The following SLC2A13 variants were observed in gnomAD, a reference collection of about 807,000 sequenced individuals.
SLC2A13 encodes proton myo-inositol cotransporter.
Under a neutral mutation model 64.4 loss-of-function variants are expected in SLC2A13, and 32 were observed. That is an observed-to-expected ratio of 0.50 (90% confidence interval 0.37 to 0.67). The LOEUF (loss-of-function observed/expected upper bound fraction) is 0.67. Among genes scored for constraint, SLC2A13 ranks in the 30% least tolerant of loss-of-function variants. The probability of loss-of-function intolerance (pLI) is 0.00; values close to 1 mark genes in which losing one functional copy is unlikely to be tolerated. For synonymous variants in SLC2A13, 338 were observed against 327.1 expected, an observed-to-expected ratio of 1.03 and a Z score of -0.36; for missense variants, 743 against 829.2, an observed-to-expected ratio of 0.90 and a Z score of 1.28.
intron 3 of SLC2A13, among the ~76,000 whole-genome samples, chr12:40,021,022 C>T (rs1252885297): frequency 6.6e-6 from 1 of 151,642 alleles, no homozygotes; most frequent in Non-Finnish European, 1.5e-5. Flanking sequence ...GACAAAGTCA[C>T]AATTCTTTCT....
intron 3 of SLC2A13, among the ~76,000 whole-genome samples, chr12:39,996,051 T>C (rs1266113171): frequency 6.6e-6 from 1 of 152,204 alleles, no homozygotes; most frequent in Non-Finnish European, 1.5e-5. Flanking sequence ...AACATACCAG[T>C]TGGAACTCTC....
chr12:40,064,420 T>C (rs1948477701), intron 1 of SLC2A13, among the ~76,000 whole-genome samples: 1 of 152,128 alleles, frequency 6.6e-6, no homozygotes, highest in South Asian at 2.1e-4. Context: ...TATTTCAATG[T>C]AAATAAAAAT....
At chr12:39,977,439 T>C (rs1195364288) in intron 3 of SLC2A13, among the ~76,000 whole-genome samples, 1 of 152,186 alleles carries the variant, frequency 6.6e-6, no homozygotes, top group Non-Finnish European at 1.5e-5. Flanking sequence ...GTTCACTTTC[T>C]CAAGAAGGAA....
At chr12:39,852,364 A>G (rs1233299930) in intron 6 of SLC2A13, among the ~76,000 whole-genome samples, 1 of 152,224 alleles carries the variant, frequency 6.6e-6, no homozygotes, top group Non-Finnish European at 1.5e-5. Context: ...TAAAATCCAC[A>G]TGTACTTTCT....
At chr12:39,808,757 G>A (rs944534713) in intron 7 of SLC2A13, among the ~76,000 whole-genome samples, 1 of 151,704 alleles carries the variant, frequency 6.6e-6, no homozygotes, top group African/African-American at 2.4e-5. Flanking sequence ...AAATCTTTTG[G>A]CGTCTTTTGA....
intron 4 of SLC2A13, among the ~76,000 whole-genome samples, chr12:39,880,803 T>C (rs1944319697): frequency 6.6e-6 from 1 of 152,210 alleles, no homozygotes; most frequent in African/African-American, 2.4e-5. Flanking sequence ...ATTACTTGTC[T>C]CACCTCGCTC....
Position 39,764,717 on chromosome 12 carries a change from A to G in SLC2A13, c.1567+20T>C, listed in dbSNP as rs747825534. ...GAGGCAATTCAATTAATGCAACAGT[A>G]TAACAAAGTCTTTGTTTACCAGGTG... On this transcript the variant is annotated intron_variant, in intron 8 of 9. Coordinates refer to ENST00000280871, the MANE Select transcript of SLC2A13 (RefSeq NM_052885.4). The G allele has an allele frequency of 4.4e-5, 71 of 1,610,360 alleles. No individual in the cohort carries two copies. Among genetic ancestry groups the G allele is most frequent in the Non-Finnish European group, 5.5e-5 (65 of 1,178,752 alleles).
chr12:40,000,347 G>A (rs1476923737), intron 3 of SLC2A13, among the ~76,000 whole-genome samples: 1 of 152,146 alleles, frequency 6.6e-6, no homozygotes, highest in Non-Finnish European at 1.5e-5. Context: ...GGCTGTAACA[G>A]GCTATATAAT....
intron 4 of SLC2A13, among the ~76,000 whole-genome samples, chr12:39,918,935 C>T (rs1022730925): frequency 2.7e-5 from 4 of 148,478 alleles, no homozygotes; most frequent in Non-Finnish European, 5.9e-5. Context: ...AGGTTATACA[C>T]GCGCACACAC....
chr12:39,877,649 A>G (rs958454322), intron 4 of SLC2A13, among the ~76,000 whole-genome samples: 10 of 152,202 alleles, frequency 6.6e-5, no homozygotes, highest in African/African-American at 2.2e-4. Flanking sequence ...CAGGTCATGG[A>G]CTTGTGGAAA....
At chr12:40,031,295 TCA>T (rs1947900128) in intron 2 of SLC2A13, among the ~76,000 whole-genome samples, 1 of 149,878 alleles carries the variant, frequency 6.7e-6, no homozygotes, top group African/African-American at 2.5e-5. Flanking sequence ...CGATCTCGGC[TCA>T]CTGCAACCTC....
chr12:40,007,761 C>G (rs1947450053), intron 3 of SLC2A13, among the ~76,000 whole-genome samples: 1 of 151,976 alleles, frequency 6.6e-6, no homozygotes, highest in Non-Finnish European at 1.5e-5. Flanking sequence ...ATTTGGCTTG[C>G]TGTAAGAATT....
intron 7 of SLC2A13, among the ~76,000 whole-genome samples, chr12:39,775,304 A>G (rs915756749): frequency 1.3e-5 from 2 of 152,224 alleles, no homozygotes; most frequent in African/African-American, 4.8e-5. Flanking sequence ...GTCTTAGGTA[A>G]CGTAAGTTAC....
intron 4 of SLC2A13, among the ~76,000 whole-genome samples, chr12:39,935,374 A>G (rs1401588351): frequency 6.6e-6 from 1 of 152,234 alleles, no homozygotes; most frequent in Admixed American, 6.5e-5. Flanking sequence ...CCTCTTCTCA[A>G]AGCTTGAATG....
intron 1 of SLC2A13, among the ~76,000 whole-genome samples, chr12:40,075,219 C>A (rs983813340): frequency 2.0e-5 from 3 of 152,162 alleles, no homozygotes; most frequent in African/African-American, 7.2e-5. Flanking sequence ...CCCCTCCACC[C>A]ACTTCTGCTT....
intron 1 of SLC2A13, among the ~76,000 whole-genome samples, chr12:40,082,293 T>C (rs1250759814): frequency 6.6e-6 from 1 of 152,206 alleles, no homozygotes; most frequent in African/African-American, 2.4e-5. Flanking sequence ...AATTCAGCCA[T>C]ACCTGTTGGT....
At chr12:40,065,923 C>G (rs1184122402) in intron 1 of SLC2A13, among the ~76,000 whole-genome samples, 3 of 152,140 alleles carry the variant, frequency 2.0e-5, no homozygotes, top group Admixed American at 6.6e-5. Context: ...ACAAAACATC[C>G]AAGGTCACAC....
intron 6 of SLC2A13, among the ~76,000 whole-genome samples, chr12:39,860,220 G>A (rs1170909965): frequency 1.3e-5 from 2 of 152,218 alleles, no homozygotes; most frequent in East Asian, 1.9e-4. Context: ...AGGAAACTAA[G>A]TAAGATGTAA....
At chr12:40,081,855 G>A (rs1201481585) in intron 1 of SLC2A13, among the ~76,000 whole-genome samples, 1 of 152,046 alleles carries the variant, frequency 6.6e-6, no homozygotes, top group African/African-American at 2.4e-5. Flanking sequence ...AGGGCTTTTT[G>A]CTTTTTATAT....
Sources: allele counts gnomAD v4.1 joint callset (sites outside exome capture counted in the v4.1 genomes callset), GRCh38; gene constraint gnomAD v4.1.1; transcripts MANE v1.5; gene names NCBI Gene and HGNC (gene_info 2026-07-23, HGNC 2026-07-21).